The following LARGE1 variants were observed in gnomAD, a reference collection of about 807,000 sequenced individuals.
LARGE1 encodes the protein LARGE xylosyl- and glucuronyltransferase 1.
LARGE1 carries 43 observed loss-of-function variants against 87.6 expected under a neutral mutation model. The ratio of observed to expected loss-of-function variants is 0.49; its 90% CI spans 0.38 to 0.63. LARGE1 has a LOEUF of 0.63. LARGE1 is among the 30% of genes least tolerant of loss of function. LARGE1 has a pLI of 0.00. For missense variants in LARGE1, 802 were observed against 1,000.2 expected (o/e 0.80, Z 2.67); for synonymous variants, 434 against 394.6 (o/e 1.10, Z -1.18).
intron 6 of LARGE1, among the ~76,000 whole-genome samples, chr22:33,498,747 G>A (rs962018776): frequency 4.6e-5 from 7 of 152,208 alleles, no homozygotes; most frequent in South Asian, 2.1e-4. Flanking sequence ...CGAGGTGGGC[G>A]GATCACGAGG....
At chr22:33,279,133 A>G (rs1929947717) in intron 13 of LARGE1, among the ~76,000 whole-genome samples, 1 of 152,214 alleles carries the variant, frequency 6.6e-6, no homozygotes, top group South Asian at 2.1e-4. Flanking sequence ...CATGAGAGGC[A>G]CCTGAGACAG....
At chr22:33,528,531 T>A (rs2072028594) in intron 6 of LARGE1, among the ~76,000 whole-genome samples, 1 of 152,168 alleles carries the variant, frequency 6.6e-6, no homozygotes, top group Non-Finnish European at 1.5e-5. Context: ...GATCCTCTGA[T>A]GTCAAAAGGT....
At chr22:33,586,860 T>C (rs956839175) in intron 5 of LARGE1, among the ~76,000 whole-genome samples, 1 of 152,212 alleles carries the variant, frequency 6.6e-6, no homozygotes, top group African/African-American at 2.4e-5. Flanking sequence ...AAAAATATAG[T>C]TTTAAAAATT....
intron 11 of LARGE1, among the ~76,000 whole-genome samples, chr22:33,181,179 T>C (rs539985079): frequency 6.6e-6 from 1 of 152,278 alleles, no homozygotes; most frequent in Admixed American, 6.5e-5. Flanking sequence ...TAAAACTATA[T>C]AAAGAATAAT....
At position 33,658,330 on chromosome 22, in the gene LARGE1, A is replaced by T. The variant is rs1328120368; in HGVS notation, c.107-7662T>A. 2.6e-5 allele frequency among the ~76,000 whole-genome samples: 4 copies of T among 152,304 alleles called. 1 individual carries two copies. In the East Asian group the frequency reaches 7.7e-4, roughly 29 times the overall value. ...TCCGGGATACATGTGCAGGACATGC[A>T]GGTTTGTTACATGGTAAACATGTGC... On this transcript the variant is annotated intron_variant, in intron 2 of 14. Transcript: ENST00000397394.
In LARGE1 at chr22:33,274,589, C is replaced by G; in HGVS notation, c.2109G>C (p.Met703Ile). The G allele has an allele frequency of 6.2e-7, 1 of 1,614,074 alleles. No individual in the cohort carries two copies. ...AGCTGGGGGCATGAGGCATGTGGAT[C>G]ATGTAGGCGTTGGGCAGCACAATGA... ...YEFIVLPNAY[M>I]IHMPHAPSFD... Residue 703 changes from methionine to isoleucine, a missense_variant, in exon 15 of 15, where the codon ATG becomes ATC. Coordinates refer to ENST00000397394, the MANE Select transcript of LARGE1 (RefSeq NM_133642.5).
chr22:33,478,074 T>C (rs2069155886), intron 6 of LARGE1, among the ~76,000 whole-genome samples: 1 of 152,164 alleles, frequency 6.6e-6, no homozygotes, highest in Non-Finnish European at 1.5e-5. Flanking sequence ...TAAGCTCTAA[T>C]TATGTCAAGT....
chr22:33,662,581 A>T (rs977912066), intron 2 of LARGE1, among the ~76,000 whole-genome samples: 3 of 152,184 alleles, frequency 2.0e-5, no homozygotes, highest in Admixed American at 2.0e-4. Context: ...GTGGAACCAG[A>T]TGAGAGACAG....
In LARGE1 at chr22:33,868,011, T is replaced by C. The variant is rs2064158470; in HGVS notation, c.-83+51984A>G. Among the ~76,000 whole-genome samples the C allele has an allele frequency of 2.0e-5, 3 of 152,188 alleles. No individual in the cohort carries two copies. In the South Asian group the frequency reaches 6.2e-4, roughly 31 times the overall value. ...AACCGGATCCAAGCAGCCTACCCTGTAATCTCTTGCAGCACACTACCCGCT... is the reference window on the plus strand; with the variant it reads ...AACCGGATCCAAGCAGCCTACCCTGCAATCTCTTGCAGCACACTACCCGCT... On this transcript the variant is annotated intron_variant, in intron 1 of 14. Transcript: ENST00000397394.
chr22:33,689,135 C>A (rs1294056620), intron 2 of LARGE1, among the ~76,000 whole-genome samples: 1 of 129,938 alleles, frequency 7.7e-6, no homozygotes, highest in Admixed American at 8.3e-5. Flanking sequence ...CAAGGGCTGA[C>A]AAATTTACTG....
At chr22:33,676,774 G>GA (rs1273585949) in intron 2 of LARGE1, among the ~76,000 whole-genome samples, 2 of 152,112 alleles carry the variant, frequency 1.3e-5, no homozygotes, top group East Asian at 3.9e-4. Context: ...ACTGTAGCTT[G>GA]AAAGTGGCCA....
chr22:33,867,674 G>T (rs1026875606), intron 1 of LARGE1, among the ~76,000 whole-genome samples: 2 of 152,178 alleles, frequency 1.3e-5, no homozygotes, highest in African/African-American at 4.8e-5. Context: ...TTGAATCACT[G>T]GATCTACTTC....
At chr22:33,800,316 A>G (rs1000817268) in intron 1 of LARGE1, among the ~76,000 whole-genome samples, 4 of 152,240 alleles carry the variant, frequency 2.6e-5, no homozygotes, top group Non-Finnish European at 5.9e-5. Flanking sequence ...CAATGGTGAT[A>G]ATTTATATAA....
At chr22:33,834,469 G>C (rs1393977495) in intron 1 of LARGE1, among the ~76,000 whole-genome samples, 2 of 152,008 alleles carry the variant, frequency 1.3e-5, no homozygotes, top group Non-Finnish European at 2.9e-5. Context: ...AGCTCCCCCA[G>C]TGAGCACCTT....
At position 33,357,190 on chromosome 22, in the gene LARGE1, TG is replaced by T. The variant is rs1269305272; in HGVS notation, c.1132-19390del. Among the ~76,000 whole-genome samples, 33 of 152,222 alleles carry T rather than the reference TG, an allele frequency of 2.2e-4. 2 individuals carry two copies. Among genetic ancestry groups the T allele is most frequent in the Admixed American group, 1.3e-3 (20 of 15,286 alleles). On this transcript the variant is annotated intron_variant, in intron 9 of 14. Transcript: ENST00000397394. Reference sequence around the variant, plus strand: ...TATATATATGAATACTATTCAGCCATGAAAAGGAATGAAAACATGGATAGGA... The same window carrying T: ...TATATATATGAATACTATTCAGCCATAAAAGGAATGAAAACATGGATAGGA...
chr22:33,537,302 C>T (rs1158014692), intron 6 of LARGE1, among the ~76,000 whole-genome samples: 4 of 152,220 alleles, frequency 2.6e-5, no homozygotes, highest in African/African-American at 4.8e-5. Flanking sequence ...GGGGAGAATT[C>T]GATTCCCTGC....
chr22:33,337,692 C>T lies in LARGE1; in HGVS notation c.1241G>A (p.Arg414Gln), dbSNP rs200603479. ...FLEYDGNLLR[R>Q]ELFGCPSEAD... ...CTCACTGGGGCAGCCAAACAGTTCC[C>T]GCCTCAGAAGATTGCCGTCATACTC... is the stretch of plus-strand genomic sequence containing the variant. The change falls in exon 10 of 15, where the codon CGG becomes CAG. Residue 414 changes from arginine to glutamine, a missense_variant. Arg to Gln is a conservative substitution (Grantham distance 43, BLOSUM62 1). Around this residue, in one of 2 missense-constraint regions of LARGE1, gnomAD observed 625 missense variants for 841.9 expected, o/e 0.74. Transcript: ENST00000397394. 14 of 1,614,084 alleles carry T rather than the reference C, an allele frequency of 8.7e-6. No homozygotes were observed. The Admixed American group carries it at 1.2e-4, about 13-fold the overall frequency.
chr22:33,880,242 C>T (rs1455040394), intron 1 of LARGE1, among the ~76,000 whole-genome samples: 1 of 152,134 alleles, frequency 6.6e-6, no homozygotes, highest in Non-Finnish European at 1.5e-5. Flanking sequence ...AGCATGATTG[C>T]CATATTTTTC....
At chr22:33,438,030 T>C (rs1253634346) in intron 6 of LARGE1, among the ~76,000 whole-genome samples, 1 of 152,014 alleles carries the variant, frequency 6.6e-6, no homozygotes, top group African/African-American at 2.4e-5. Context: ...ATAAGGGTTC[T>C]GTCGGGTAAC....
Sources: gnomAD v4.1 joint callset for allele counts (sites outside exome capture counted in the v4.1 genomes callset) on GRCh38, gnomAD v4.1.1 for gene constraint, gnomAD v4.1.1 regional missense constraint, MANE v1.5 for transcripts, NCBI Gene and HGNC (gene_info 2026-07-23, HGNC 2026-07-21) for gene names.